Variants in MYO16 observed in about 807,000 individuals in gnomAD.
MYO16 encodes the protein unconventional myosin-XVI.
Under a neutral mutation model 205.3 loss-of-function variants are expected in MYO16, and 94 were observed. The ratio of observed to expected loss-of-function variants is 0.46; its 90% CI spans 0.39 to 0.54. MYO16 has a LOEUF of 0.54. Ranked by LOEUF, MYO16 falls within the 20% of genes least tolerant of loss-of-function variation. The pLI is 0.00. For synonymous variants in MYO16, 988 were observed against 954.0 expected (o/e 1.04, Z -0.66); for missense variants, 2,315 against 2,387.5 (o/e 0.97, Z 0.63).
At chr13:108,523,675 T>C in the MYO16 span, among the ~76,000 whole-genome samples, 30,770 of 152,196 alleles carry the variant, frequency 0.2, 4,470 homozygotes, top group African/African-American at 0.41. Context: ...TGGAAGACTT[T>C]AGAGGTCATC....
chr13:109,074,049 A>AT (rs775185031), intron 27 of MYO16, among the ~76,000 whole-genome samples: 6 of 151,606 alleles, frequency 4.0e-5, no homozygotes, highest in African/African-American at 1.4e-4. Flanking sequence ...TCCAGGACAG[A>AT]TTTTTTAAGT....
intron 16 of MYO16, among the ~76,000 whole-genome samples, chr13:108,938,518 G>A: frequency 6.6e-6 from 1 of 152,222 alleles, no homozygotes; most frequent in East Asian, 1.9e-4. Flanking sequence ...GCCTAGAAAT[G>A]GAGCTGGGAA....
At chr13:108,499,311 G>A in the MYO16 span, among the ~76,000 whole-genome samples, 1 of 152,202 alleles carries the variant, frequency 6.6e-6, no homozygotes, top group Non-Finnish European at 1.5e-5. Context: ...AAATTTCTAA[G>A]GACTGGCGAG....
intron 34 of MYO16, among the ~76,000 whole-genome samples, chr13:109,197,674 AC>A (rs574775956): frequency 7.2e-4 from 110 of 152,254 alleles, no homozygotes; most frequent in Non-Finnish European, 1.4e-3. Context: ...TGAAAGAAAA[AC>A]ATCCCCTTGA....
chr13:108,955,993 A>G (rs1320802911), intron 16 of MYO16, among the ~76,000 whole-genome samples: 1 of 151,476 alleles, frequency 6.6e-6, no homozygotes, highest in Admixed American at 6.6e-5. Context: ...GAGCTCACCC[A>G]CTCCCATGGT....
chr13:108,790,459 TA>T (rs1053372491), intron 5 of MYO16, among the ~76,000 whole-genome samples: 1 of 152,196 alleles, frequency 6.6e-6, no homozygotes, highest in Non-Finnish European at 1.5e-5. Flanking sequence ...TTCAAAATAA[TA>T]AATCTAAATG....
intron 16 of MYO16, among the ~76,000 whole-genome samples, chr13:108,934,521 A>C (rs555075316): frequency 4.6e-5 from 7 of 152,156 alleles, no homozygotes; most frequent in Admixed American, 1.3e-4. Context: ...ATAGTTTGTA[A>C]ATATATTCTT....
intron 4 of MYO16, among the ~76,000 whole-genome samples, chr13:108,770,737 C>A (rs1251452954): frequency 6.6e-6 from 1 of 152,068 alleles, no homozygotes; most frequent in Non-Finnish European, 1.5e-5. Flanking sequence ...CCAGGAGAGC[C>A]CAGGTGAGAA....
At chr13:109,021,397 C>A (rs1886018068) in intron 23 of MYO16, among the ~76,000 whole-genome samples, 1 of 152,122 alleles carries the variant, frequency 6.6e-6, no homozygotes, top group African/African-American at 2.4e-5. Context: ...CACTCAACAT[C>A]AAAGGAGTGA....
chr13:108,558,229 G>C, the MYO16 span, among the ~76,000 whole-genome samples: 1 of 152,172 alleles, frequency 6.6e-6, no homozygotes, highest in African/African-American at 2.4e-5. Context: ...CTGTGCCAAA[G>C]TGTGGCCTGC....
intron 22 of MYO16, among the ~76,000 whole-genome samples, chr13:109,013,536 A>C (rs1292175881): frequency 6.6e-6 from 1 of 152,186 alleles, no homozygotes; most frequent in Non-Finnish European, 1.5e-5. Flanking sequence ...TTGAGGGATC[A>C]CCACACTGTC....
At chr13:108,657,816 T>C (rs949516383) in intron 1 of MYO16, among the ~76,000 whole-genome samples, 1 of 152,168 alleles carries the variant, frequency 6.6e-6, no homozygotes, top group Non-Finnish European at 1.5e-5. Context: ...TTATGCTCCT[T>C]ATATATTTTT....
At chr13:109,048,255 A>G in intron 24 of MYO16, 1 of 660,118 alleles carries the variant, frequency 1.5e-6, no homozygotes, top group Non-Finnish European at 2.8e-6. Context: ...GAGTCCCTGT[A>G]TTTTAAAATC....
intron 4 of MYO16, among the ~76,000 whole-genome samples, chr13:108,732,587 G>C (rs998491785): frequency 6.6e-6 from 1 of 152,186 alleles, no homozygotes; most frequent in African/African-American, 2.4e-5. Context: ...CAGGGGTCAG[G>C]GGATAGATGT....
chr13:108,883,087 G>T lies in MYO16; in HGVS notation c.1454G>T (p.Gly485Val). Residue 485 changes from glycine to valine, a missense_variant, in exon 13 of 35, where the codon GGG (glycine) becomes GTG (valine). Coordinates refer to ENST00000457511, the MANE Select transcript of MYO16 (RefSeq NM_001198950.3). ...TCCCAGCTGTATTTCAGCTCCTCAG[G>T]GAAGCTGTGTTCCTCGCTGCCTCCT... ...MVSQLYFSSSGKLCSSLPPHL... is the reference protein window; with the variant it reads ...MVSQLYFSSSVKLCSSLPPHL... 6.2e-7 allele frequency: 1 copy of T among 1,613,960 alleles called. No homozygotes were observed. The highest frequency in any genetic ancestry group is 2.2e-5 in the East Asian group (1 of 44,860).
At position 108,680,210 on chromosome 13, in the gene MYO16, G is replaced by T. The variant is rs577174490; in HGVS notation, c.292+14061G>T. 5.9e-5 allele frequency among the ~76,000 whole-genome samples: 9 copies of T among 152,310 alleles called. No homozygotes were observed. In the East Asian group the frequency reaches 1.4e-3, roughly 23 times the overall value. On this transcript the variant is annotated intron_variant, in intron 2 of 34. Transcript: ENST00000457511. ...CTCACAGCGGGCTCCATGAGAGCAG[G>T]CTCTGGCTCTCATCCAAGTGGCTGG...
intron 1 of MYO16, chr13:108,659,399 G>T: frequency 2.3e-6 from 1 of 428,992 alleles, no homozygotes; most frequent in South Asian, 1.7e-5. Context: ...ATATTTCCTG[G>T]CTTTCAAGTT....
intron 4 of MYO16, among the ~76,000 whole-genome samples, chr13:108,756,241 T>TA (rs1279398968): frequency 6.6e-6 from 1 of 151,420 alleles, no homozygotes; most frequent in Non-Finnish European, 1.5e-5. Flanking sequence ...GCTCTTTAAA[T>TA]ATAAGAGCAT....
chr13:108,825,643 A>G (rs1282160311), intron 9 of MYO16, among the ~76,000 whole-genome samples: 2 of 151,910 alleles, frequency 1.3e-5, no homozygotes, highest in Non-Finnish European at 2.9e-5. Flanking sequence ...AAGTAAAACT[A>G]TCTCTATGTT....
Sources: gnomAD v4.1 joint callset for allele counts (sites outside exome capture counted in the v4.1 genomes callset) on GRCh38, gnomAD v4.1.1 for gene constraint, MANE v1.5 for transcripts, NCBI Gene and HGNC (gene_info 2026-07-23, HGNC 2026-07-21) for gene names.